Variants in TAPT1 observed in about 807,000 individuals in gnomAD.
TAPT1 encodes the protein transmembrane anterior posterior transformation protein 1 homolog.
A neutral mutation model predicts 65.6 loss-of-function variants in TAPT1; 28 were observed. That is an observed-to-expected ratio of 0.43 (90% CI 0.32 to 0.59). The LOEUF (loss-of-function observed/expected upper bound fraction) is 0.59, where lower values mean the gene tolerates loss of function less well. TAPT1 is among the 20% of genes least tolerant of loss of function. The pLI is 0.09. For synonymous variants in TAPT1, 278 were observed against 245.2 expected, an observed-to-expected ratio of 1.13 and a Z score of -1.25; for missense variants, 563 against 679.9, an observed-to-expected ratio of 0.83 and a Z score of 1.91.
At position 16,202,733 on chromosome 4, in the gene TAPT1, A is replaced by G. The variant is rs34129131; in HGVS notation, c.331-153T>C. Among the ~76,000 whole-genome samples the G allele has an allele frequency of 0.25, 38,091 of 151,968 alleles. 5,616 individuals are homozygous for G. The highest frequency in any genetic ancestry group is 0.33 in the East Asian group (1,681 of 5,158). ...AACAAATTAACAGTTCTTCTCTTCAAAGAGTGAGTCTGTGCTTCCTCAGAG... is the reference window on the plus strand; with the variant it reads ...AACAAATTAACAGTTCTTCTCTTCAGAGAGTGAGTCTGTGCTTCCTCAGAG... On this transcript the variant is annotated intron_variant, in intron 2 of 13. Coordinates refer to ENST00000405303, the MANE Select transcript of TAPT1 (RefSeq NM_153365.3).
chr4:16,186,112 G>A (rs1748999702), intron 7 of TAPT1, among the ~76,000 whole-genome samples: 2 of 152,134 alleles, frequency 1.3e-5, no homozygotes, highest in Non-Finnish European at 2.9e-5. Context: ...GGATTAGAAC[G>A]AAGGCAGTAA....
intron 13 of TAPT1, among the ~76,000 whole-genome samples, chr4:16,165,091 T>G (rs1747508680): frequency 6.6e-6 from 1 of 152,132 alleles, no homozygotes; most frequent in South Asian, 2.1e-4. Context: ...TCCACCAGTC[T>G]GCCCTGGGCC....
chr4:16,218,334 G>C (rs1751053789), intron 1 of TAPT1, among the ~76,000 whole-genome samples: 1 of 152,226 alleles, frequency 6.6e-6, no homozygotes. Context: ...GAAACCCAGA[G>C]GCAGAGGCTG....
Position 16,213,678 on chromosome 4 carries a change from C to T in TAPT1, c.330+90G>A, listed in dbSNP as rs1750767392. The stretch of plus-strand genomic sequence containing the variant: ...AACATTATTTCAATTATTTAAAAAA[C>T]TCAACTCTAGCTGTTGACCATTTTT... On this transcript the variant is annotated intron_variant, in intron 2 of 13. Coordinates refer to ENST00000405303, the MANE Select transcript of TAPT1 (RefSeq NM_153365.3). The T allele has an allele frequency of 7.0e-6, 8 of 1,148,818 alleles. No individual in the cohort carries two copies. In the South Asian group the frequency reaches 1.2e-4, roughly 17 times the overall value. 71.2% of individuals were successfully genotyped at this position (1,148,818 alleles called of 1,614,324 possible). A position where few individuals can be genotyped will look rare whatever the true frequency, so the allele number is the denominator to read the frequency against.
chr4:16,218,467 A>AT (rs1379378616), intron 1 of TAPT1, among the ~76,000 whole-genome samples: 1 of 152,210 alleles, frequency 6.6e-6, no homozygotes, highest in Admixed American at 6.5e-5. Flanking sequence ...GTGACTGGAG[A>AT]TGACAGCTTT....
At chr4:16,190,925 TATAC>T in intron 4 of TAPT1, 1 of 154,490 alleles carries the variant, frequency 6.5e-6, no homozygotes, top group East Asian at 1.9e-4. Context: ...ACAGCAAACA[TATAC>T]ATAATCATAA....
At chr4:16,226,486 GCCTC>G (rs1280034717), upstream of TAPT1, 2 of 1,043,490 alleles carry the variant, frequency 1.9e-6, no homozygotes, top group African/African-American at 3.4e-5. Flanking sequence ...TGTCCCCGCC[GCCTC>G]CCTCCAGCCT....
intron 12 of TAPT1, among the ~76,000 whole-genome samples, chr4:16,168,009 G>A (rs1181188789): frequency 6.6e-6 from 1 of 151,990 alleles, no homozygotes; most frequent in Non-Finnish European, 1.5e-5. Flanking sequence ...CTGGGTCAAA[G>A]AATATGAATA....
intron 12 of TAPT1, among the ~76,000 whole-genome samples, chr4:16,169,937 CTCTCA>C (rs1173409347): frequency 6.6e-6 from 1 of 152,176 alleles, no homozygotes; most frequent in Non-Finnish European, 1.5e-5. Context: ...AGTTCGAACC[CTCTCA>C]GACCACCCCT....
chr4:16,195,253 T>A (rs2149696840), intron 3 of TAPT1, among the ~76,000 whole-genome samples: 1 of 152,342 alleles, frequency 6.6e-6, no homozygotes, highest in East Asian at 1.9e-4. Context: ...GACTATCTGA[T>A]AAGCACTTCA....
Position 16,163,154 on chromosome 4 carries a change from A to G in TAPT1, c.*154T>C. The G allele has an allele frequency of 2.8e-5, 19 of 674,264 alleles. 1 individual carries two copies. The South Asian group carries it at 2.9e-4, about 10-fold the overall frequency. The allele number at this position is 674,264 out of a possible 1,614,324, so 41.8% of individuals were successfully genotyped here. A position where few individuals can be genotyped will look rare whatever the true frequency, so the allele number is the denominator to read the frequency against. On this transcript the variant is annotated 3_prime_UTR_variant, in exon 14 of 14. Coordinates refer to ENST00000405303, the MANE Select transcript of TAPT1 (RefSeq NM_153365.3). ...CTGTGGTCTGACCCTCAGCCAGGCC[A>G]TATTACTGGAAGAAAGATACTAAGA...
At chr4:16,171,753 TC>T (rs1748005302) in intron 11 of TAPT1, among the ~76,000 whole-genome samples, 1 of 152,148 alleles carries the variant, frequency 6.6e-6, no homozygotes, top group African/African-American at 2.4e-5. Context: ...TTAACATGAC[TC>T]CAGGATTTTA....
intron 1 of TAPT1, among the ~76,000 whole-genome samples, chr4:16,221,286 C>T (rs1373584666): frequency 6.6e-6 from 1 of 151,772 alleles, no homozygotes; most frequent in Non-Finnish European, 1.5e-5. Flanking sequence ...CCTCCACGCC[C>T]AGCTAATTTT....
intron 2 of TAPT1, among the ~76,000 whole-genome samples, chr4:16,210,218 C>G (rs1384355575): frequency 6.6e-6 from 1 of 152,162 alleles, no homozygotes; most frequent in Admixed American, 6.5e-5. Context: ...TGCCTATGGT[C>G]AGCAACCCAA....
rs1383745652 is a variant in TAPT1 at position 16,161,362 on chromosome 4, T to G, written c.*1946A>C. On this transcript the variant is annotated 3_prime_UTR_variant, in exon 14 of 14. Coordinates refer to ENST00000405303, the MANE Select transcript of TAPT1 (RefSeq NM_153365.3). ...ATGCACTTATAAAATTAGTACTGAA[T>G]GCCATTAAAACAGAAGAAATGAACA... 6.6e-6 allele frequency: 1 copy of G among 152,650 alleles called. No homozygotes were observed. Among genetic ancestry groups the G allele is most frequent in the Non-Finnish European group, 1.5e-5 (1 of 68,040 alleles). 9.5% of individuals were successfully genotyped at this position (152,650 alleles called of 1,614,324 possible). A position where few individuals can be genotyped will look rare whatever the true frequency, so the allele number is the denominator to read the frequency against.
chr4:16,188,484 T>C (rs1749155413), intron 4 of TAPT1, 129 bp from the exon 5 acceptor site: 1 of 655,366 alleles, frequency 1.5e-6, no homozygotes. Flanking sequence ...TAAAGAGGAG[T>C]GAGGATCTTT....
At chr4:16,217,343 G>C (rs1750998315) in intron 1 of TAPT1, among the ~76,000 whole-genome samples, 1 of 152,160 alleles carries the variant, frequency 6.6e-6, no homozygotes, top group African/African-American at 2.4e-5. Context: ...AAAAATCATA[G>C]AGAACAAAAA....
At chr4:16,171,998 G>C (rs754681709) in intron 11 of TAPT1, among the ~76,000 whole-genome samples, 2 of 151,896 alleles carry the variant, frequency 1.3e-5, no homozygotes, top group South Asian at 2.1e-4. Flanking sequence ...CAGAGGCCTC[G>C]ATGTATTTCT....
chr4:16,226,102 G>C lies in TAPT1; in HGVS notation c.199+157C>G, dbSNP rs913727503. 6.8e-6 allele frequency: 7 copies of C among 1,024,998 alleles called. No individual in the cohort carries two copies. In the Admixed American group the frequency reaches 2.2e-4, roughly 33 times the overall value. The allele number at this position is 1,024,998 out of a possible 1,614,324, so 63.5% of individuals were successfully genotyped here. Reference sequence around the variant, plus strand: ...GAACTGTCAACGGCCGCGGAGCCTCGGCAGCCTCGGCGGCTCCGCGCGCCC... The same window carrying C: ...GAACTGTCAACGGCCGCGGAGCCTCCGCAGCCTCGGCGGCTCCGCGCGCCC... On this transcript the variant is annotated intron_variant, in intron 1 of 13. Coordinates refer to ENST00000405303, the MANE Select transcript of TAPT1 (RefSeq NM_153365.3).
Sources: allele counts gnomAD v4.1 joint callset (sites outside exome capture counted in the v4.1 genomes callset), GRCh38; gene constraint gnomAD v4.1.1; transcripts MANE v1.5; gene names NCBI Gene and HGNC (gene_info 2026-07-23, HGNC 2026-07-21).